ATXN1: variants seen among roughly 807,000 people sequenced by gnomAD.
ATXN1 encodes ataxin 1.
ATXN1 carries 8 observed loss-of-function variants against 56.4 expected under a neutral mutation model. The observed-to-expected ratio is 0.14, with a 90% CI of 0.08 to 0.26. The LOEUF is 0.26. Among genes scored for constraint, ATXN1 ranks in the 10% least tolerant of loss-of-function variants. The pLI, the probability that ATXN1 is intolerant of heterozygous loss-of-function variation, is 1.00. For missense variants in ATXN1, 987 were observed against 1,106.5 expected, an observed-to-expected ratio of 0.89 and a Z score of 1.53; for synonymous variants, 514 against 494.6, an observed-to-expected ratio of 1.04 and a Z score of -0.52.
chr6:16,718,176 T>A (rs909671224), intron 2 of ATXN1, among the ~76,000 whole-genome samples: 5 of 152,236 alleles, frequency 3.3e-5, no homozygotes, highest in African/African-American at 9.6e-5. Context: ...AAATGCCAGC[T>A]CTTTTGCCCT....
intron 6 of ATXN1, among the ~76,000 whole-genome samples, chr6:16,402,648 G>A (rs1402810382): frequency 2.0e-5 from 3 of 152,160 alleles, no homozygotes; most frequent in African/African-American, 4.8e-5. Context: ...CCTTTCAAGG[G>A]AGGATCATTT....
intron 4 of ATXN1, among the ~76,000 whole-genome samples, chr6:16,559,749 C>A (rs9477163): frequency 0.026 from 3,972 of 151,928 alleles, 191 homozygotes; most frequent in African/African-American, 0.09. Flanking sequence ...AATATTAATG[C>A]TTCAAAAAGA....
intron 1 of ATXN1, among the ~76,000 whole-genome samples, chr6:16,759,786 G>A (rs9383205): frequency 1.3e-5 from 2 of 151,640 alleles, no homozygotes; most frequent in Non-Finnish European, 2.9e-5. Flanking sequence ...AATCTCCCTA[G>A]AAAACCTGAA....
chr6:16,743,468 C>A (rs1285539970), intron 2 of ATXN1, among the ~76,000 whole-genome samples: 16 of 152,170 alleles, frequency 1.1e-4, no homozygotes, highest in Admixed American at 4.6e-4. Context: ...ATACACACCA[C>A]AATTATATAC....
chr6:16,589,259 G>A (rs1319424334), intron 3 of ATXN1, among the ~76,000 whole-genome samples: 1 of 151,836 alleles, frequency 6.6e-6, no homozygotes, highest in Non-Finnish European at 1.5e-5. Flanking sequence ...CCTTAACCAA[G>A]TCCATCTCTC....
chr6:16,610,658 G>T (rs1763088022), intron 3 of ATXN1, among the ~76,000 whole-genome samples: 1 of 152,088 alleles, frequency 6.6e-6, no homozygotes. Context: ...ATTTGAAGAA[G>T]CTCCCTAATC....
chr6:16,412,901 G>A (rs563263421), intron 6 of ATXN1, among the ~76,000 whole-genome samples: 1 of 152,330 alleles, frequency 6.6e-6, no homozygotes, highest in East Asian at 1.9e-4. Flanking sequence ...GCCATGCCGT[G>A]GGGGCTGTTG....
At chr6:16,447,354 A>G (rs984556465) in intron 6 of ATXN1, among the ~76,000 whole-genome samples, 4 of 152,008 alleles carry the variant, frequency 2.6e-5, no homozygotes, top group Admixed American at 2.0e-4. Context: ...CCTCCTGAGT[A>G]GCTGGTATTA....
At chr6:16,361,448 T>C (rs1429876803) in intron 6 of ATXN1, among the ~76,000 whole-genome samples, 1 of 152,200 alleles carries the variant, frequency 6.6e-6, no homozygotes, top group Non-Finnish European at 1.5e-5. Context: ...CCTTTAAAAA[T>C]ATGCCTTTTA....
At chr6:16,487,181 C>G (rs928006662) in intron 5 of ATXN1, among the ~76,000 whole-genome samples, 1 of 152,098 alleles carries the variant, frequency 6.6e-6, no homozygotes, top group Non-Finnish European at 1.5e-5. Flanking sequence ...TGACAAGAAA[C>G]AGAATTTAAG....
At chr6:16,761,052 G>A (rs555017957) in intron 1 of ATXN1, 212 of 237,058 alleles carry the variant, frequency 8.9e-4, no homozygotes, top group African/African-American at 5.0e-3. Flanking sequence ...GGGGACGGTT[G>A]TATGTACACA....
chr6:16,361,708 TCTC>T (rs1378432656), intron 6 of ATXN1, among the ~76,000 whole-genome samples: 4 of 152,146 alleles, frequency 2.6e-5, no homozygotes, highest in African/African-American at 7.2e-5. Flanking sequence ...TTCCCAAACT[TCTC>T]CTCCTCCTAC....
chr6:16,696,661 T>C (rs960652278), intron 2 of ATXN1, among the ~76,000 whole-genome samples: 2 of 152,214 alleles, frequency 1.3e-5, no homozygotes, highest in Non-Finnish European at 2.9e-5. Context: ...TGAATAATCA[T>C]TGAGGAACTC....
chr6:16,729,618 T>C (rs1759922646), intron 2 of ATXN1, among the ~76,000 whole-genome samples: 1 of 152,234 alleles, frequency 6.6e-6, no homozygotes, highest in Non-Finnish European at 1.5e-5. Context: ...TTTAGCACCA[T>C]GTTGCAATCC....
chr6:16,488,864 G>A (rs1304156073), intron 5 of ATXN1, among the ~76,000 whole-genome samples: 1 of 152,050 alleles, frequency 6.6e-6, no homozygotes, highest in Non-Finnish European at 1.5e-5. Flanking sequence ...ACTTTGACCT[G>A]GCAACTTTGA....
intron 4 of ATXN1, among the ~76,000 whole-genome samples, chr6:16,553,185 A>G (rs1761953713): frequency 6.6e-6 from 1 of 152,270 alleles, no homozygotes. Context: ...TTATAAGATC[A>G]CTGACAGCCA....
intron 6 of ATXN1, among the ~76,000 whole-genome samples, chr6:16,378,984 T>C (rs1359198317): frequency 6.6e-6 from 1 of 152,184 alleles, no homozygotes; most frequent in Admixed American, 6.5e-5. Context: ...AGCAGCACAA[T>C]TCACAATTGC....
intron 3 of ATXN1, chr6:16,653,097 C>T (rs1758101837): frequency 1.3e-5 from 2 of 152,222 alleles, no homozygotes; most frequent in South Asian, 2.1e-4. Context: ...CTGATGGCCA[C>T]GCTGGTTCCT....
intron 2 of ATXN1, among the ~76,000 whole-genome samples, chr6:16,710,324 C>T (rs116385824): frequency 1.1e-3 from 161 of 152,186 alleles, no homozygotes; most frequent in African/African-American, 3.7e-3. Flanking sequence ...AAAGATATAC[C>T]GTGTTTTTGA....
Sources: gnomAD v4.1 joint callset for allele counts (sites outside exome capture counted in the v4.1 genomes callset) on GRCh38, gnomAD v4.1.1 for gene constraint, MANE v1.5 for transcripts, NCBI Gene and HGNC (gene_info 2026-07-23, HGNC 2026-07-21) for gene names.